Variants in ACAP2 observed in about 807,000 individuals in gnomAD.
The protein encoded by ACAP2 is ArfGAP with coiled-coil, ankyrin repeat and PH domains 2.
ACAP2 carries 39 observed loss-of-function variants against 115.8 expected under a neutral mutation model. The observed-to-expected ratio is 0.34, with a 90% CI of 0.26 to 0.44. The LOEUF (loss-of-function observed/expected upper bound fraction) is 0.44. Among genes scored for constraint, ACAP2 ranks in the 20% least tolerant of loss-of-function variants. ACAP2 has a pLI of 1.00. For synonymous variants in ACAP2, 289 were observed against 315.8 expected (o/e 0.92, Z 0.90); for missense variants, 662 against 927.6 (o/e 0.71, Z 3.72).
At position 195,292,309 on chromosome 3, in the gene ACAP2, A is replaced by C. The variant is rs771923352; in HGVS notation, c.1909T>G (p.Ser637Ala). 6.2e-7 allele frequency: 1 copy of C among 1,608,916 alleles called. No individual in the cohort carries two copies. The highest frequency in any genetic ancestry group is 8.5e-7 in the Non-Finnish European group (1 of 1,178,776). ...AGTGGTGTCGCTTTGTTTTCCTCTG[A>C]ATTGGCCCAGTTCACGTCTGCACCA... ...AHGADVNWAN[S>A]EENKATPLIQ... Residue 637 changes from serine to alanine, a missense_variant, in exon 19 of 23, where the codon TCA (serine) becomes GCA (alanine). Ser to Ala is a moderately conservative substitution (Grantham distance 99). This residue lies in a region of ACAP2 where 128 missense variants were observed against 200.2 expected (regional missense o/e 0.64). Transcript: ENST00000326793.
At chr3:195,433,297 T>C (rs773583405) in intron 1 of ACAP2, among the ~76,000 whole-genome samples, 1 of 150,294 alleles carries the variant, frequency 6.7e-6, no homozygotes, top group Non-Finnish European at 1.5e-5. Flanking sequence ...TATCGTTATT[T>C]TTTATTGTTT....
chr3:195,333,474 T>A (rs1262017870), intron 7 of ACAP2, among the ~76,000 whole-genome samples: 4 of 152,240 alleles, frequency 2.6e-5, no homozygotes, highest in African/African-American at 9.6e-5. Flanking sequence ...GTCCTGGGAT[T>A]ATAGGCGTGA....
intron 2 of ACAP2, among the ~76,000 whole-genome samples, chr3:195,387,701 C>G (rs1734394772): frequency 6.6e-6 from 1 of 152,188 alleles, no homozygotes; most frequent in Non-Finnish European, 1.5e-5. Context: ...AGTGATTCGC[C>G]TGCCTCGGCC....
At chr3:195,399,448 T>C (rs897817895) in intron 1 of ACAP2, among the ~76,000 whole-genome samples, 2 of 152,132 alleles carry the variant, frequency 1.3e-5, no homozygotes, top group Non-Finnish European at 2.9e-5. Flanking sequence ...CCTCCCAAAG[T>C]ACTAGGATTA....
At chr3:195,413,988 A>G (rs1260359669) in intron 1 of ACAP2, among the ~76,000 whole-genome samples, 1 of 145,212 alleles carries the variant, frequency 6.9e-6, no homozygotes. Context: ...AAAAAAAGAA[A>G]AAAAAAGAAA....
At position 195,385,890 on chromosome 3, in the gene ACAP2, A is replaced by T. The variant is rs115989540; in HGVS notation, c.112-3868T>A. Reference sequence around the variant, plus strand: ...GCAGAGTAGCTATTATGGAAGGGACATGAAAGTCTCTGAAGAGAAATAATG... The same window carrying T: ...GCAGAGTAGCTATTATGGAAGGGACTTGAAAGTCTCTGAAGAGAAATAATG... On this transcript the variant is annotated intron_variant, in intron 2 of 22. Coordinates refer to ENST00000326793, the MANE Select transcript of ACAP2 (RefSeq NM_012287.6). 3.4e-3 allele frequency among the ~76,000 whole-genome samples: 525 copies of T among 152,352 alleles called. 3 individuals carry two copies. The highest frequency in any genetic ancestry group is 0.012 in the African/African-American group (491 of 41,574).
chr3:195,289,750 G>A lies in ACAP2; in HGVS notation c.2064-519C>T, dbSNP rs1018701674. The stretch of plus-strand genomic sequence containing the variant: ...GAACCCGGGAGGCGGAGCTTGCAGT[G>A]AGCCGAGATCACACCACTGCACTCC... On this transcript the variant is annotated intron_variant, in intron 20 of 22. Transcript: ENST00000326793. 6.4e-5 allele frequency among the ~76,000 whole-genome samples: 9 copies of A among 141,190 alleles called. 1 individual carries two copies. Among genetic ancestry groups the A allele is most frequent in the South Asian group, 2.3e-4 (1 of 4,438 alleles). The allele number at this position is 141,190 out of a possible 152,430, so 92.6% of individuals were successfully genotyped here.
chr3:195,437,210 A>ATT (rs56874761), intron 1 of ACAP2, among the ~76,000 whole-genome samples: 1 of 147,486 alleles, frequency 6.8e-6, no homozygotes, highest in Non-Finnish European at 1.5e-5. Flanking sequence ...CATTTGGCTA[A>ATT]TTTTTTTTTT....
chr3:195,319,823 T>C (rs984430695), intron 10 of ACAP2, among the ~76,000 whole-genome samples: 5 of 152,154 alleles, frequency 3.3e-5, no homozygotes, highest in Non-Finnish European at 7.4e-5. Context: ...TGGGGAACTG[T>C]TGGGAAGTCC....
intron 1 of ACAP2, among the ~76,000 whole-genome samples, chr3:195,424,222 ATATGTGTGTGTGTGTGTGTGTGG>A (rs1428833430): frequency 1.2e-5 from 1 of 81,028 alleles, no homozygotes; most frequent in African/African-American, 7.8e-5. Flanking sequence ...TAGAATGGTC[ATATGTGTGTGTGTGTGTGTGTGG>A]TGTGTGTGTG....
intron 20 of ACAP2, among the ~76,000 whole-genome samples, chr3:195,290,841 TA>T (rs1290514500): frequency 0.012 from 1,473 of 126,004 alleles, 26 homozygotes; most frequent in African/African-American, 0.045. Context: ...AATAAATAAA[TA>T]AATAAATAAT....
chr3:195,381,823 T>G, intron 3 of ACAP2, 80 bp downstream of exon 3: 1 of 1,473,386 alleles, frequency 6.8e-7, no homozygotes, highest in East Asian at 2.3e-5. Flanking sequence ...TAACTATAAA[T>G]CAGGTAGATG....
chr3:195,320,891 G>A, intron 9 of ACAP2, 78 bp from the exon 10 acceptor site: 4 of 905,940 alleles, frequency 4.4e-6, no homozygotes, highest in Non-Finnish European at 7.0e-6. Context: ...TAAGAAAAGA[G>A]TTCAAAAGGA....
intron 10 of ACAP2, among the ~76,000 whole-genome samples, chr3:195,318,585 T>C (rs1234479030): frequency 2.0e-5 from 3 of 152,220 alleles, no homozygotes; most frequent in African/African-American, 4.8e-5. Flanking sequence ...TAGAGATCTG[T>C]GGAACCTTAA....
chr3:195,320,957 G>A, intron 9 of ACAP2, 144 bp from the exon 10 acceptor site: 1 of 520,442 alleles, frequency 1.9e-6, no homozygotes, highest in Non-Finnish European at 3.5e-6. Context: ...AATGAAGGGG[G>A]ACTTAAATGA....
In ACAP2 at chr3:195,381,029, C is replaced by A. The variant is rs141761176; in HGVS notation, c.265G>T (p.Glu89Ter). ...CTTACTGTGTGAAAATTTATCATTT[C>A]TTGAAGACTGTCAGAAAACTTGGTC... ...SLTKFSDSLQ[E>*]MINFHTILFD... The change falls in exon 4 of 23, where the codon GAA becomes TAA. Residue 89 changes from glutamate (E) to a stop codon, truncating the protein, a stop_gained. Transcript: ENST00000326793. LOFTEE classifies it high-confidence loss of function. The A allele has an allele frequency of 1.9e-6, 3 of 1,601,308 alleles. No individual in the cohort carries two copies. Among genetic ancestry groups the A allele is most frequent in the Non-Finnish European group, 2.5e-6 (3 of 1,177,310 alleles).
Position 195,295,947 on chromosome 3 carries a change from A to G in ACAP2, c.1488-55T>C, listed in dbSNP as rs1577251634. 2.8e-6 allele frequency: 4 copies of G among 1,442,510 alleles called. No homozygotes were observed. The East Asian group carries it at 6.9e-5, about 25-fold the overall frequency. 89.4% of individuals were successfully genotyped at this position (1,442,510 alleles called of 1,614,324 possible). ...TGCTTAATCTCTCAGCATGGCTAAT[A>G]CCACAACAAGCCATTATATACTGAA... On this transcript the variant is annotated intron_variant, in intron 16 of 22. Transcript: ENST00000326793.
chr3:195,404,692 TAC>T (rs1296309795), intron 1 of ACAP2, among the ~76,000 whole-genome samples: 3 of 139,068 alleles, frequency 2.2e-5, no homozygotes, highest in African/African-American at 8.5e-5. Context: ...TTTATATACA[TAC>T]ACACATATAT....
At chr3:195,309,507 T>C (rs909528478) in intron 10 of ACAP2, among the ~76,000 whole-genome samples, 2 of 151,392 alleles carry the variant, frequency 1.3e-5, no homozygotes, top group African/African-American at 4.9e-5. Context: ...GATCACGCCA[T>C]TGCACTTCAG....
Sources: gnomAD v4.1 joint callset for allele counts (sites outside exome capture counted in the v4.1 genomes callset) on GRCh38, gnomAD v4.1.1 for gene constraint, gnomAD v4.1.1 regional missense constraint, MANE v1.5 for transcripts, NCBI Gene and HGNC (gene_info 2026-07-23, HGNC 2026-07-21) for gene names.